Variants in PDZD8 observed in about 807,000 individuals in gnomAD.
PDZD8 encodes the protein PDZ domain containing 8.
PDZD8 carries 14 observed loss-of-function variants against 85.8 expected under a neutral mutation model. The ratio of observed to expected loss-of-function variants is 0.16; its 90% CI spans 0.11 to 0.26. The LOEUF (loss-of-function observed/expected upper bound fraction) is 0.26, where lower values mean the gene tolerates loss of function less well. PDZD8 is among the 10% of genes least tolerant of loss of function. The probability of loss-of-function intolerance (pLI) is 1.00; values close to 1 mark genes in which losing one functional copy is unlikely to be tolerated. For synonymous variants in PDZD8, 592 were observed against 568.6 expected (o/e 1.04, Z -0.59); for missense variants, 1,197 against 1,424.3 (o/e 0.84, Z 2.57).
At chr10:117,300,925 G>A (rs570813272) in intron 3 of PDZD8, among the ~76,000 whole-genome samples, 1 of 152,282 alleles carries the variant, frequency 6.6e-6, no homozygotes, top group African/African-American at 2.4e-5. Context: ...TGTTGCTTAC[G>A]AGCCACTCAG....
At chr10:117,361,318 A>T (rs1844995566) in intron 1 of PDZD8, among the ~76,000 whole-genome samples, 1 of 152,164 alleles carries the variant, frequency 6.6e-6, no homozygotes, top group African/African-American at 2.4e-5. Context: ...CTAGATTTTT[A>T]AAAATACCTT....
Position 117,283,139 on chromosome 10 carries a change from T to G in PDZD8, c.*129A>C. ...ACTGGAAAACAACCTTTCTCATTTT[T>G]GTTCTTACACAAGCAAGTAACTGGA... On this transcript the variant is annotated 3_prime_UTR_variant, in exon 5 of 5. Transcript: ENST00000334464. 1 of 904,214 alleles carries G rather than the reference T, an allele frequency of 1.1e-6. No individual in the cohort carries two copies. Among genetic ancestry groups the G allele is most frequent in the Middle Eastern group, 2.4e-4 (1 of 4,100 alleles). 56.0% of individuals were successfully genotyped at this position (904,214 alleles called of 1,614,324 possible).
intron 3 of PDZD8, among the ~76,000 whole-genome samples, chr10:117,295,435 T>G (rs770977569): frequency 1.3e-5 from 2 of 152,194 alleles, no homozygotes; most frequent in Non-Finnish European, 2.9e-5. Flanking sequence ...AAATACATTC[T>G]TTTAAAGTGT....
At position 117,374,339 on chromosome 10, in the gene PDZD8, C is replaced by T. The variant is rs1303085769; in HGVS notation, c.872+17G>A. The T allele has an allele frequency of 1.2e-6, 2 of 1,608,612 alleles. No homozygotes were observed. The highest frequency in any genetic ancestry group is 2.2e-5 in the East Asian group (1 of 44,740). ...GGGTTCCCGGCAGCCAGGCCCCCTC[C>T]CCGACCTCCAGCTCACCTGATCTTG... On this transcript the variant is annotated intron_variant, in intron 1 of 4. Coordinates refer to ENST00000334464, the MANE Select transcript of PDZD8 (RefSeq NM_173791.5). This position sits in a 1 kb window ranked among gnomAD's most constrained non-coding sequence, Gnocchi z 7.8.
At chr10:117,366,240 T>C (rs924492404) in intron 1 of PDZD8, among the ~76,000 whole-genome samples, 3 of 152,184 alleles carry the variant, frequency 2.0e-5, no homozygotes, top group Non-Finnish European at 4.4e-5. Flanking sequence ...TGTATACTTC[T>C]GTTTGTGTTT....
chr10:117,337,532 G>A (rs1301796821), intron 2 of PDZD8, among the ~76,000 whole-genome samples: 1 of 152,130 alleles, frequency 6.6e-6, no homozygotes, highest in African/African-American at 2.4e-5. Context: ...TGGGAAATGC[G>A]AAACAGTATT....
At chr10:117,343,688 T>A (rs568637364) in intron 1 of PDZD8, among the ~76,000 whole-genome samples, 2 of 152,350 alleles carry the variant, frequency 1.3e-5, no homozygotes, top group Non-Finnish European at 2.9e-5. Flanking sequence ...TTGAATGTTA[T>A]ATGGATTAAA....
intron 4 of PDZD8, among the ~76,000 whole-genome samples, chr10:117,286,058 A>G (rs572813695): frequency 6.6e-6 from 1 of 152,370 alleles, no homozygotes; most frequent in East Asian, 1.9e-4. Context: ...AAAACCAGAA[A>G]GAACAAGTAA....
At chr10:117,291,441 A>C (rs1281866899) in intron 3 of PDZD8, among the ~76,000 whole-genome samples, 1 of 151,600 alleles carries the variant, frequency 6.6e-6, no homozygotes, top group East Asian at 2.0e-4. Flanking sequence ...AGGCAGGAGA[A>C]TGGCATGAAC....
At chr10:117,359,132 G>A (rs1844950902) in intron 1 of PDZD8, among the ~76,000 whole-genome samples, 3 of 152,108 alleles carry the variant, frequency 2.0e-5, no homozygotes, top group Non-Finnish European at 4.4e-5. Context: ...ACAATAGTCA[G>A]GGCCAGGCGT....
Position 117,375,429 on chromosome 10 carries a change from A to C in PDZD8, c.-202T>G. Reference sequence around the variant, plus strand: ...GCCCGCGCCTCCTCAGACGCTCCCGAAGGGCCGGTGTGGCGGCGGCGGCAG... The same window carrying C: ...GCCCGCGCCTCCTCAGACGCTCCCGCAGGGCCGGTGTGGCGGCGGCGGCAG... On this transcript the variant is annotated 5_prime_UTR_variant, in exon 1 of 5. Transcript: ENST00000334464. The C allele has an allele frequency of 1.5e-5, 4 of 262,352 alleles. No homozygotes were observed. The highest frequency in any genetic ancestry group is 7.5e-5 in the East Asian group (1 of 13,324). The allele number at this position is 262,352 out of a possible 1,614,324, so 16.3% of individuals were successfully genotyped here.
chr10:117,305,259 G>GA (rs1490693947), intron 3 of PDZD8, among the ~76,000 whole-genome samples: 2 of 151,696 alleles, frequency 1.3e-5, no homozygotes, highest in Admixed American at 6.6e-5. Flanking sequence ...CTAAAAATAC[G>GA]AAACTTAGCC....
At chr10:117,308,677 G>A (rs1187338615) in intron 3 of PDZD8, among the ~76,000 whole-genome samples, 1 of 152,128 alleles carries the variant, frequency 6.6e-6, no homozygotes, top group Non-Finnish European at 1.5e-5. Flanking sequence ...TATAGTACTA[G>A]TTAAGAACAT....
At chr10:117,303,223 A>G (rs1843877271) in intron 3 of PDZD8, among the ~76,000 whole-genome samples, 1 of 152,180 alleles carries the variant, frequency 6.6e-6, no homozygotes, top group Non-Finnish European at 1.5e-5. Context: ...GTGGTCTCAG[A>G]TGGAGATGAG....
Position 117,341,079 on chromosome 10 carries a change from T to A in PDZD8, c.896A>T (p.Gln299Leu). 6.2e-7 allele frequency: 1 copy of A among 1,613,614 alleles called. No individual in the cohort carries two copies. Among genetic ancestry groups the A allele is most frequent in the South Asian group, 1.1e-5 (1 of 91,058 alleles). ...KIRFKPFFPY[Q>L]TLQGFEEDEE... ...ATCTTCTTCAAATCCTTGCAAGGTC[T>A]GGTATGGAAAAAACGGCTTAAACCT... The change falls in exon 2 of 5, where the codon CAG (glutamine) becomes CTG (leucine). Residue 299 changes from glutamine to leucine, a missense_variant. Around this residue, in one of 4 missense-constraint regions of PDZD8, gnomAD observed 344 missense variants for 453.6 expected, o/e 0.76. Coordinates refer to ENST00000334464, the MANE Select transcript of PDZD8 (RefSeq NM_173791.5).
At chr10:117,285,868 G>A (rs944634389) in intron 4 of PDZD8, 9 of 402,532 alleles carry the variant, frequency 2.2e-5, no homozygotes, top group Non-Finnish European at 2.7e-5. Context: ...CTTAGAGTGA[G>A]GGAAAGCTGT....
chr10:117,315,323 G>A (rs1006686037), intron 3 of PDZD8, among the ~76,000 whole-genome samples: 4 of 152,070 alleles, frequency 2.6e-5, no homozygotes, highest in South Asian at 2.1e-4. Flanking sequence ...GGCCAGGCGC[G>A]GTGGCTCATG....
chr10:117,319,482 G>A (rs559089031), intron 2 of PDZD8, among the ~76,000 whole-genome samples: 9 of 150,246 alleles, frequency 6.0e-5, no homozygotes, highest in South Asian at 2.1e-4. Context: ...ACTTCTCTAC[G>A]CTAAGCCCAA....
intron 2 of PDZD8, among the ~76,000 whole-genome samples, chr10:117,324,093 T>C (rs555098955): frequency 1.3e-5 from 2 of 150,170 alleles, no homozygotes; most frequent in African/African-American, 4.9e-5. Context: ...CCAGATGTGG[T>C]AGTGCACACC....
Sources: gnomAD v4.1 joint callset for allele counts (sites outside exome capture counted in the v4.1 genomes callset) on GRCh38, gnomAD v4.1.1 for gene constraint, gnomAD v4.1.1 regional missense constraint, Gnocchi (gnomAD v3.1) non-coding constraint, MANE v1.5 for transcripts, NCBI Gene and HGNC (gene_info 2026-07-23, HGNC 2026-07-21) for gene names.